KLF8: variants seen among roughly 807,000 people sequenced by gnomAD.
The protein encoded by KLF8 is Krueppel-like factor 8.
In KLF8, 10 loss-of-function variants were observed where a neutral mutation model predicts 18.2. The ratio of observed to expected loss-of-function variants is 0.55; its 90% CI spans 0.34 to 0.93. The LOEUF (loss-of-function observed/expected upper bound fraction) is 0.93. Ranked by LOEUF, KLF8 falls within the 40% of genes least tolerant of loss-of-function variation. KLF8 has a pLI of 0.02. For synonymous variants in KLF8, 109 were observed against 97.3 expected (o/e 1.12, Z -0.71); for missense variants, 264 against 277.9 (o/e 0.95, Z 0.36).
chrX:56,120,128 A>G, the KLF8 span, among the ~76,000 whole-genome samples: 1 of 110,687 alleles, frequency 9.0e-6, no homozygotes, highest in African/African-American at 3.3e-5. Context: ...CTAGTCTTTT[A>G]GTCTCCTACT....
the KLF8 span, among the ~76,000 whole-genome samples, chrX:56,083,064 C>T: frequency 9.0e-6 from 1 of 111,563 alleles, no homozygotes; most frequent in South Asian, 3.7e-4. Flanking sequence ...TTTGTATATC[C>T]TTGTCTGTCC....
the KLF8 span, among the ~76,000 whole-genome samples, chrX:56,127,829 T>C: frequency 8.9e-6 from 1 of 111,874 alleles, no homozygotes; most frequent in Non-Finnish European, 1.9e-5. Flanking sequence ...AAACAATAAA[T>C]TGAGTATCTA....
At chrX:56,077,865 G>T in the KLF8 span, among the ~76,000 whole-genome samples, 2 of 110,575 alleles carry the variant, frequency 1.8e-5, no homozygotes, top group Non-Finnish European at 3.8e-5. Context: ...CACGTCCCTT[G>T]TAAGTTGAAT....
chrX:56,158,765 A>G, the KLF8 span, among the ~76,000 whole-genome samples: 4 of 112,137 alleles, frequency 3.6e-5, no homozygotes, highest in Non-Finnish European at 7.5e-5. Context: ...GAAGTTGCCT[A>G]TCAGCTTAAG....
chrX:56,011,102 A>G, the KLF8 span, among the ~76,000 whole-genome samples: 2 of 112,310 alleles, frequency 1.8e-5, no homozygotes, highest in Non-Finnish European at 3.8e-5. Flanking sequence ...ACTTGAACTT[A>G]GCTCTGGATC....
chrX:56,155,018 T>G, the KLF8 span, among the ~76,000 whole-genome samples: 1 of 112,125 alleles, frequency 8.9e-6, no homozygotes, highest in Non-Finnish European at 1.9e-5. Flanking sequence ...GACTGTAAAC[T>G]AGTTCAACCA....
At chrX:55,948,806 T>C in the KLF8 span, among the ~76,000 whole-genome samples, 1 of 111,913 alleles carries the variant, frequency 8.9e-6, no homozygotes, top group African/African-American at 3.2e-5. Context: ...GCTCTTACTC[T>C]TCCACTGTCA....
the KLF8 span, among the ~76,000 whole-genome samples, chrX:56,103,001 C>T: frequency 9.6e-6 from 1 of 104,702 alleles, no homozygotes; most frequent in African/African-American, 3.5e-5. Flanking sequence ...TCAACTCAAT[C>T]TCTAGCCCCT....
the KLF8 span, among the ~76,000 whole-genome samples, chrX:56,031,060 C>G: frequency 2.7e-5 from 3 of 110,957 alleles, no homozygotes; most frequent in Admixed American, 9.6e-5. Flanking sequence ...TCTGGCCAAT[C>G]TATTTCACAC....
chrX:55,951,988 G>C, the KLF8 span, among the ~76,000 whole-genome samples: 1 of 112,048 alleles, frequency 8.9e-6, no homozygotes, highest in Non-Finnish European at 1.9e-5. Context: ...TTTAGTTCTT[G>C]TTTATACCCT....
At chrX:56,093,306 A>C in the KLF8 span, among the ~76,000 whole-genome samples, 5 of 111,711 alleles carry the variant, frequency 4.5e-5, no homozygotes, top group Non-Finnish European at 9.4e-5. Flanking sequence ...ACCAATGAAG[A>C]GAAACACCTT....
At chrX:56,037,950 A>G in the KLF8 span, among the ~76,000 whole-genome samples, 1 of 111,592 alleles carries the variant, frequency 9.0e-6, no homozygotes, top group Non-Finnish European at 1.9e-5. Flanking sequence ...TGCATTAACC[A>G]TCCCACCTCC....
chrX:55,993,697 G>A, the KLF8 span, among the ~76,000 whole-genome samples: 96 of 111,393 alleles, frequency 8.6e-4, 1 homozygote, highest in East Asian at 0.026. Flanking sequence ...TTGTTTGCAT[G>A]TGTAGTAAAA....
chrX:56,184,544 A>G, the KLF8 span, among the ~76,000 whole-genome samples: 1 of 112,320 alleles, frequency 8.9e-6, no homozygotes, highest in Admixed American at 9.4e-5. Flanking sequence ...ACGCAGCTGG[A>G]GATCAGAGAA....
At chrX:56,182,248 C>G in the KLF8 span, among the ~76,000 whole-genome samples, 1 of 112,275 alleles carries the variant, frequency 8.9e-6, no homozygotes, top group Non-Finnish European at 1.9e-5. Context: ...TCCAGTTGAT[C>G]GAATCGGCTA....
chrX:55,975,295 G>A, the KLF8 span, among the ~76,000 whole-genome samples: 17 of 111,742 alleles, frequency 1.5e-4, no homozygotes, highest in Admixed American at 3.8e-4. Flanking sequence ...GGCATGTTGG[G>A]AGGATTTAAG....
At chrX:56,069,591 C>T in the KLF8 span, among the ~76,000 whole-genome samples, 2 of 111,927 alleles carry the variant, frequency 1.8e-5, no homozygotes, top group African/African-American at 3.2e-5. Flanking sequence ...GAGCTTCTGG[C>T]CCAGCAGTTC....
At chrX:56,204,618 T>A in the KLF8 span, among the ~76,000 whole-genome samples, 1 of 109,108 alleles carries the variant, frequency 9.2e-6, no homozygotes. Context: ...TTCTTTAGGG[T>A]TTTTTTTTAT....
At chrX:56,013,322 T>C in the KLF8 span, among the ~76,000 whole-genome samples, 1 of 112,646 alleles carries the variant, frequency 8.9e-6, no homozygotes, top group Non-Finnish European at 1.9e-5. Context: ...CCATTGTATC[T>C]AGAAAGTAAC....
Sources: gnomAD v4.1 joint callset for allele counts (sites outside exome capture counted in the v4.1 genomes callset) on GRCh38, gnomAD v4.1.1 for gene constraint, MANE v1.5 for transcripts, NCBI Gene and HGNC (gene_info 2026-07-23, HGNC 2026-07-21) for gene names.